Variants in ITGAV observed in about 807,000 individuals in gnomAD.
ITGAV encodes integrin alpha-V.
A neutral mutation model predicts 143.8 loss-of-function variants in ITGAV; 76 were observed. The ratio of observed to expected loss-of-function variants is 0.53; its 90% CI spans 0.44 to 0.64. ITGAV has a LOEUF of 0.64. ITGAV is among the 30% of genes least tolerant of loss of function. The probability of loss-of-function intolerance (pLI) is 0.00; values close to 1 mark genes in which losing one functional copy is unlikely to be tolerated. For missense variants in ITGAV, 1,193 were observed against 1,274.7 expected (o/e 0.94, Z 0.98); for synonymous variants, 453 against 446.7 (o/e 1.01, Z -0.18).
At chr2:186,617,559 C>T (rs1302033985) in intron 2 of ITGAV, among the ~76,000 whole-genome samples, 1 of 151,932 alleles carries the variant, frequency 6.6e-6, no homozygotes, top group Admixed American at 6.5e-5. Flanking sequence ...TGCTTATTAA[C>T]TTCAAGTTTC....
At chr2:186,662,328 A>G (rs1688771121) in intron 18 of ITGAV, among the ~76,000 whole-genome samples, 1 of 152,156 alleles carries the variant, frequency 6.6e-6, no homozygotes, top group East Asian at 1.9e-4. Flanking sequence ...GCTTATATCT[A>G]GGTAATTGAA....
Position 186,664,604 on chromosome 2 carries a change from T to A in ITGAV, c.2036T>A (p.Leu679Gln), listed in dbSNP as rs1367869430. Residue 679 changes from leucine to glutamine, a missense_variant, in exon 20 of 30, where the codon CTG becomes CAG. Physicochemically the swap from Leu to Gln is moderately radical, Grantham distance 113. Transcript: ENST00000261023. ...YEAELIVSIPLQADFIGVVRN... is the reference protein window; with the variant it reads ...YEAELIVSIPQQADFIGVVRN... ...GCTGAGCTCATCGTTTCCATTCCAC[T>A]GCAGGCTGATTTCATCGGGGTTGTC... 6.2e-7 allele frequency: 1 copy of A among 1,614,128 alleles called. No individual in the cohort carries two copies.
rs1232231743 is a variant in ITGAV at position 186,656,235 on chromosome 2, T to C, written c.1565-12T>C. ...AAGAATATGTTGGTTATAAATCCTTTGGTTTACATAGATTTCCAGGTGGAA... is the reference window on the plus strand; with the variant it reads ...AAGAATATGTTGGTTATAAATCCTTCGGTTTACATAGATTTCCAGGTGGAA... On this transcript the variant is annotated splice_polypyrimidine_tract_variant and intron_variant, in intron 16 of 29. Transcript: ENST00000261023. The C allele has an allele frequency of 1.3e-6, 2 of 1,573,200 alleles. No homozygotes were observed. Among genetic ancestry groups the C allele is most frequent in the South Asian group, 1.2e-5 (1 of 83,172 alleles).
At chr2:186,622,294 G>C in intron 2 of ITGAV, 45 bp from the exon 3 acceptor site, 1 of 1,278,318 alleles carries the variant, frequency 7.8e-7, no homozygotes, top group Non-Finnish European at 1.1e-6. Flanking sequence ...GTTATATTAA[G>C]AATAGTATAT....
At chr2:186,622,920 G>T (rs553894383) in intron 3 of ITGAV, among the ~76,000 whole-genome samples, 14 of 152,130 alleles carry the variant, frequency 9.2e-5, no homozygotes, top group Non-Finnish European at 1.8e-4. Flanking sequence ...CTGCCACCAG[G>T]CCTGGCTAAT....
At chr2:186,647,918 T>G (rs995622963) in intron 13 of ITGAV, among the ~76,000 whole-genome samples, 1 of 152,104 alleles carries the variant, frequency 6.6e-6, no homozygotes. Context: ...TATTTTAGAG[T>G]TTTTTTGTTA....
chr2:186,665,096 A>ATTTT, intron 20 of ITGAV, 30 bp from the exon 21 acceptor site: 12 of 1,013,850 alleles, frequency 1.2e-5, no homozygotes, highest in South Asian at 3.1e-5. Flanking sequence ...TTTCATATCC[A>ATTTT]TTTTTTTTTT....
chr2:186,667,121 AT>A (rs760259913), intron 22 of ITGAV, 28 bp from the exon 23 acceptor site: 9 of 1,559,644 alleles, frequency 5.8e-6, no homozygotes, highest in Admixed American at 1.8e-5. Context: ...TGCATAATTC[AT>A]TTTTAAGTTT....
chr2:186,650,695 G>T (rs996328848), intron 14 of ITGAV, among the ~76,000 whole-genome samples: 2 of 151,414 alleles, frequency 1.3e-5, no homozygotes, highest in Non-Finnish European at 2.9e-5. Context: ...ACAGGCATGT[G>T]CCACTACCAC....
rs1439732271 is a variant in ITGAV at position 186,640,948 on chromosome 2, A to G, written c.937A>G (p.Thr313Ala). 1.9e-6 allele frequency: 3 copies of G among 1,597,504 alleles called. No individual in the cohort carries two copies. Among genetic ancestry groups the G allele is most frequent in the South Asian group, 1.1e-5 (1 of 89,234 alleles). Reference sequence around the variant, plus strand: ...ATATTTCGGATTTTCTGTAGCTGCCACTGACATTAATGGAGATGAGTAAGT... The same window carrying G: ...ATATTTCGGATTTTCTGTAGCTGCCGCTGACATTAATGGAGATGAGTAAGT... Reference protein sequence around the residue: ...AAYFGFSVAATDINGDDYADV... With the variant: ...AAYFGFSVAAADINGDDYADV... Residue 313 changes from threonine to alanine, a missense_variant, in exon 11 of 30, where the codon ACT becomes GCT. Physicochemically the swap from Thr to Ala is moderately conservative, Grantham distance 58. Coordinates refer to ENST00000261023, the MANE Select transcript of ITGAV (RefSeq NM_002210.5).
intron 16 of ITGAV, 71 bp downstream of exon 16, chr2:186,654,779 A>T (rs1688538203): frequency 1.5e-6 from 1 of 665,230 alleles, no homozygotes; most frequent in Non-Finnish European, 2.7e-6. Context: ...ATATTTTAAG[A>T]TATTCAAATA....
At position 186,656,411 on chromosome 2, in the gene ITGAV, A is replaced by G. The variant is rs199889586; in HGVS notation, c.1719+10A>G. 55 of 1,467,582 alleles carry G rather than the reference A, an allele frequency of 3.7e-5. No homozygotes were observed. The highest frequency in any genetic ancestry group is 5.6e-5 in the Admixed American group (2 of 35,618). The allele number at this position is 1,467,582 out of a possible 1,614,324, so 90.9% of individuals were successfully genotyped here. On this transcript the variant is annotated intron_variant, in intron 17 of 29. Coordinates refer to ENST00000261023, the MANE Select transcript of ITGAV (RefSeq NM_002210.5). ...GATAGCGTATCTGCGGGTAAGAGCT[A>G]ACTTTTCTGCTACCTTGTTGTTCCT...
At chr2:186,632,347 T>A (rs1268766670) in intron 5 of ITGAV, among the ~76,000 whole-genome samples, 4 of 152,168 alleles carry the variant, frequency 2.6e-5, no homozygotes. Flanking sequence ...AAGTCATTGC[T>A]AAATTAGGTA....
chr2:186,598,773 C>T (rs1198950565), intron 1 of ITGAV, among the ~76,000 whole-genome samples: 1 of 152,070 alleles, frequency 6.6e-6, no homozygotes, highest in Non-Finnish European at 1.5e-5. Context: ...AAACTAAGTT[C>T]ATTTTCTACC....
At chr2:186,646,903 C>A in intron 13 of ITGAV, 26 bp downstream of exon 13, 1 of 1,484,510 alleles carries the variant, frequency 6.7e-7, no homozygotes. Context: ...CACATAGAGC[C>A]CTTAGATTTT....
chr2:186,590,283 G>T lies in ITGAV; in HGVS notation c.-56G>T. On this transcript the variant is annotated 5_prime_UTR_variant, in exon 1 of 30. Transcript: ENST00000261023. ...GGCCGCGGGCACTGGGCGCCTCGCT[G>T]GGGCGGGGGGAGGTGGCTACCGCTC... is the stretch of plus-strand genomic sequence containing the variant. 2 of 1,371,714 alleles carry T rather than the reference G, an allele frequency of 1.5e-6. No individual in the cohort carries two copies. The highest frequency in any genetic ancestry group is 1.9e-6 in the Non-Finnish European group (2 of 1,061,358). The allele number at this position is 1,371,714 out of a possible 1,614,324, so 85.0% of individuals were successfully genotyped here. A position where few individuals can be genotyped will look rare whatever the true frequency, so the allele number is the denominator to read the frequency against.
In ITGAV at chr2:186,658,968, G is replaced by A. The variant is rs61762059; in HGVS notation, c.1720-70G>A. 3,770 of 1,188,692 alleles carry A rather than the reference G, an allele frequency of 3.2e-3. 83 individuals carry two copies. The African/African-American group carries it at 0.044, about 14-fold the overall frequency. The allele number at this position is 1,188,692 out of a possible 1,614,324, so 73.6% of individuals were successfully genotyped here. On this transcript the variant is annotated intron_variant, in intron 17 of 29. Transcript: ENST00000261023. ...GGATGAATACAGCTGGCTTTGTAATGTGCACTTATGGATTTCTCCAGATAA... is the reference window on the plus strand; with the variant it reads ...GGATGAATACAGCTGGCTTTGTAATATGCACTTATGGATTTCTCCAGATAA...
At chr2:186,608,593 T>C (rs1687130396) in intron 2 of ITGAV, among the ~76,000 whole-genome samples, 1 of 152,200 alleles carries the variant, frequency 6.6e-6, no homozygotes, top group Admixed American at 6.5e-5. Flanking sequence ...TACAGTTCTC[T>C]TTCTTATTAA....
intron 6 of ITGAV, among the ~76,000 whole-genome samples, chr2:186,635,614 C>A (rs1431640826): frequency 6.6e-6 from 1 of 152,190 alleles, no homozygotes; most frequent in African/African-American, 2.4e-5. Flanking sequence ...GATTTCTTGT[C>A]TGCTTAATAA....
Sources: gnomAD v4.1 joint callset for allele counts (sites outside exome capture counted in the v4.1 genomes callset) on GRCh38, gnomAD v4.1.1 for gene constraint, MANE v1.5 for transcripts, NCBI Gene and HGNC (gene_info 2026-07-23, HGNC 2026-07-21) for gene names.